Variants in FHIT observed in about 807,000 individuals in gnomAD.
FHIT encodes bis(5'-adenosyl)-triphosphatase.
Under a neutral mutation model 17.9 loss-of-function variants are expected in FHIT, and 19 were observed. The ratio of observed to expected loss-of-function variants is 1.06; its 90% confidence interval spans 0.74 to 1.56. The LOEUF is 1.56. FHIT is among the 40% of genes most tolerant of loss of function. FHIT has a pLI of 0.00. For synonymous variants in FHIT, 81 were observed against 69.7 expected, an observed-to-expected ratio of 1.16 and a Z score of -0.81; for missense variants, 248 against 189.2, an observed-to-expected ratio of 1.31 and a Z score of -1.82.
chr3:60,625,128 TG>T, intron 4 of FHIT, among the ~76,000 whole-genome samples: 1 of 152,296 alleles, frequency 6.6e-6, no homozygotes, highest in Non-Finnish European at 1.5e-5. Context: ...AGACTGGTCT[TG>T]AACTTCTGAG....
intron 5 of FHIT, among the ~76,000 whole-genome samples, chr3:60,357,043 A>G (rs1368076009): frequency 1.3e-5 from 2 of 152,318 alleles, no homozygotes; most frequent in East Asian, 3.9e-4. Context: ...CAATACAGTC[A>G]GGTTCTAGTT....
chr3:61,232,843 G>A (rs771622530), intron 1 of FHIT, among the ~76,000 whole-genome samples: 1 of 152,092 alleles, frequency 6.6e-6, no homozygotes. Context: ...TAAATAAATA[G>A]AATATTCACA....
chr3:59,866,946 A>G (rs1445267709), intron 8 of FHIT, among the ~76,000 whole-genome samples: 1 of 151,704 alleles, frequency 6.6e-6, no homozygotes, highest in African/African-American at 2.4e-5. Context: ...TTGATTACCT[A>G]TTCTCATACA....
At chr3:60,742,852 C>A (rs2042266984) in intron 4 of FHIT, among the ~76,000 whole-genome samples, 2 of 152,184 alleles carry the variant, frequency 1.3e-5, no homozygotes, top group Non-Finnish European at 2.9e-5. Flanking sequence ...ATCGAAGTCC[C>A]CTGCAGAGTA....
At chr3:60,178,412 C>G (rs1055855562) in intron 5 of FHIT, among the ~76,000 whole-genome samples, 2 of 152,138 alleles carry the variant, frequency 1.3e-5, no homozygotes, top group Non-Finnish European at 1.5e-5. Context: ...CATGGTGAAC[C>G]CTTTCTGTAA....
At chr3:60,197,945 G>A (rs559580339) in intron 5 of FHIT, among the ~76,000 whole-genome samples, 1 of 152,230 alleles carries the variant, frequency 6.6e-6, no homozygotes, top group Admixed American at 6.5e-5. Context: ...GCAGGCCCTG[G>A]CATTCCCCAT....
chr3:60,375,918 C>A (rs1700540764), intron 5 of FHIT, among the ~76,000 whole-genome samples: 1 of 152,130 alleles, frequency 6.6e-6, no homozygotes, highest in African/African-American at 2.4e-5. Context: ...GACCACTGAG[C>A]ACCTGAAATA....
In FHIT at chr3:61,213,391, G is replaced by C. The variant is rs2039555531; in HGVS notation, c.-212-12726C>G. The stretch of plus-strand genomic sequence containing the variant: ...ATAAAACAGTCTTTAAACCAACAAA[G>C]ATCAAAAGAGAGAAAGAAGGCCATT... On this transcript the variant is annotated intron_variant, in intron 1 of 9. Coordinates refer to ENST00000492590, the MANE Select transcript of FHIT (RefSeq NM_002012.4). Among the ~76,000 whole-genome samples the C allele has an allele frequency of 2.0e-5, 3 of 152,264 alleles. 1 individual carries two copies. In the South Asian group the frequency reaches 6.2e-4, roughly 32 times the overall value.
intron 1 of FHIT, among the ~76,000 whole-genome samples, chr3:61,201,163 A>C (rs916015878): frequency 6.6e-6 from 1 of 152,206 alleles, no homozygotes; most frequent in African/African-American, 2.4e-5. Context: ...ATATGTGTGC[A>C]TGATTACAGG....
At chr3:59,864,841 A>C (rs1187212775) in intron 8 of FHIT, among the ~76,000 whole-genome samples, 1 of 152,096 alleles carries the variant, frequency 6.6e-6, no homozygotes, top group Non-Finnish European at 1.5e-5. Flanking sequence ...AGAAAAAAAA[A>C]AAAACATTTT....
chr3:60,726,518 G>A (rs12492639), intron 4 of FHIT, among the ~76,000 whole-genome samples: 79,503 of 151,950 alleles, frequency 0.52, 21,565 homozygotes, highest in East Asian at 0.81. Context: ...GCTGAGTCTG[G>A]TCAGTTTTCA....
At chr3:59,882,645 A>C (rs1174304763) in intron 8 of FHIT, among the ~76,000 whole-genome samples, 1 of 152,232 alleles carries the variant, frequency 6.6e-6, no homozygotes, top group Non-Finnish European at 1.5e-5. Flanking sequence ...TAAGAGTTTC[A>C]AATAACTTCA....
At chr3:60,393,746 GA>G (rs1280452626) in intron 5 of FHIT, among the ~76,000 whole-genome samples, 1 of 151,894 alleles carries the variant, frequency 6.6e-6, no homozygotes, top group South Asian at 2.1e-4. Context: ...TTACCTCATG[GA>G]AAAAATGAGG....
chr3:60,383,532 C>T (rs1429406333), intron 5 of FHIT, among the ~76,000 whole-genome samples: 1 of 151,934 alleles, frequency 6.6e-6, no homozygotes, highest in Non-Finnish European at 1.5e-5. Context: ...GGAAAACTTC[C>T]TGCAACAAAG....
intron 3 of FHIT, among the ~76,000 whole-genome samples, chr3:60,927,488 T>TG (rs1345399023): frequency 6.7e-6 from 1 of 150,066 alleles, no homozygotes; most frequent in African/African-American, 2.5e-5. Context: ...CCACCCAGTC[T>TG]GGGAAGTGAG....
At chr3:60,869,640 A>G (rs1371653183) in intron 3 of FHIT, among the ~76,000 whole-genome samples, 1 of 152,162 alleles carries the variant, frequency 6.6e-6, no homozygotes, top group Non-Finnish European at 1.5e-5. Context: ...GGAGCCATGT[A>G]GTAGCCAAAT....
chr3:60,460,168 G>T (rs2032368910), intron 5 of FHIT, among the ~76,000 whole-genome samples: 1 of 152,124 alleles, frequency 6.6e-6, no homozygotes, highest in South Asian at 2.1e-4. Context: ...AACTTGTCTT[G>T]AACTTTCCTC....
intron 2 of FHIT, among the ~76,000 whole-genome samples, chr3:61,116,659 A>T (rs2036307950): frequency 1.3e-5 from 2 of 151,746 alleles, no homozygotes; most frequent in African/African-American, 4.8e-5. Flanking sequence ...TATCAATTTA[A>T]AGATAAAGAT....
intron 2 of FHIT, among the ~76,000 whole-genome samples, chr3:61,054,180 CT>C (rs2034132026): frequency 6.6e-6 from 1 of 152,146 alleles, no homozygotes. Context: ...AGGAAAAACA[CT>C]TCTTACAGAT....
Sources: allele counts gnomAD v4.1 joint callset (sites outside exome capture counted in the v4.1 genomes callset), GRCh38; gene constraint gnomAD v4.1.1; transcripts MANE v1.5; gene names NCBI Gene and HGNC (gene_info 2026-07-23, HGNC 2026-07-21).